The following R3HCC1 variants were observed in gnomAD, a reference collection of about 807,000 sequenced individuals.
R3HCC1 encodes the protein R3H and coiled-coil domain-containing protein 1.
A neutral mutation model predicts 40.0 loss-of-function variants in R3HCC1; 32 were observed. The observed-to-expected ratio is 0.80, with a 90% CI of 0.60 to 1.07. R3HCC1 has a LOEUF of 1.07. Ranked by LOEUF, R3HCC1 falls within the 50% of genes least tolerant of loss-of-function variation. R3HCC1 has a pLI of 0.00. For synonymous variants in R3HCC1, 237 were observed against 232.8 expected (o/e 1.02, Z -0.17); for missense variants, 586 against 563.3 (o/e 1.04, Z -0.41).
intron 3 of R3HCC1, among the ~76,000 whole-genome samples, chr8:23,289,357 A>C (rs1003785002): frequency 2.6e-5 from 4 of 152,202 alleles, no homozygotes; most frequent in Non-Finnish European, 5.9e-5. Context: ...CACTTGGCAA[A>C]ATCAGCTATA....
At position 23,289,975 on chromosome 8, in the gene R3HCC1, C is replaced by T. The variant is rs1331205812; in HGVS notation, c.358C>T (p.Arg120Ter). The stretch of plus-strand genomic sequence containing the variant: ...CAACCAAGGAGCAGCTGCGGTTCCC[C>T]GAGGTGCCCGGGCTGGCCGGTGGTA... Residue 120 changes from arginine (R) to a stop codon, truncating the protein, a stop_gained, in exon 4 of 8, where the codon CGA becomes TGA. Transcript: ENST00000265806. LOFTEE classifies it high-confidence loss of function. 7.2e-6 allele frequency: 11 copies of T among 1,536,364 alleles called. No individual in the cohort carries two copies. Among genetic ancestry groups the T allele is most frequent in the Admixed American group, 3.9e-5 (2 of 50,990 alleles).
In R3HCC1 at chr8:23,293,348, C is replaced by T. The variant is rs1307882091; in HGVS notation, c.1071C>T (p.Leu357=). 3.2e-5 allele frequency: 49 copies of T among 1,551,232 alleles called. No homozygotes were observed. The highest frequency in any genetic ancestry group is 2.4e-4 in the East Asian group (10 of 40,906). ...AGTGGGTGGATGATACTCACGCACT[C>T]GGCATCTTTCCCTGCCTGGCCTCAG... Residue 357 remains leucine, a synonymous_variant, in exon 6 of 8, where the codon CTC becomes CTT. Transcript: ENST00000265806.
At chr8:23,292,780 G>C (rs890908546) in intron 5 of R3HCC1, among the ~76,000 whole-genome samples, 1 of 152,224 alleles carries the variant, frequency 6.6e-6, no homozygotes, top group Non-Finnish European at 1.5e-5. Context: ...GGTGCAGCCA[G>C]GCTGGGGCCG....
intron 2 of R3HCC1, 21 bp from the exon 3 acceptor site, chr8:23,288,995 C>T: frequency 1.3e-6 from 2 of 1,536,166 alleles, no homozygotes; most frequent in Non-Finnish European, 1.7e-6. Context: ...CTGCTCAGCA[C>T]TTCTTCCCCT....
At chr8:23,290,748 C>G (rs1197419280) in intron 4 of R3HCC1, among the ~76,000 whole-genome samples, 42 of 152,176 alleles carry the variant, frequency 2.8e-4, no homozygotes, top group Non-Finnish European at 5.9e-5. Flanking sequence ...GATAATACAG[C>G]CTTCACTAGG....
chr8:23,295,006 TAGGG>T, intron 7 of R3HCC1, 142 bp downstream of exon 7: 1 of 695,688 alleles, frequency 1.4e-6, no homozygotes, highest in Non-Finnish European at 2.5e-6. Context: ...TCTCTGCTCT[TAGGG>T]AGCCCTGGGC....
At position 23,291,352 on chromosome 8, in the gene R3HCC1, C is replaced by T; in HGVS notation, c.853-9C>T. 1 of 1,548,388 alleles carries T rather than the reference C, an allele frequency of 6.5e-7. No individual in the cohort carries two copies. The highest frequency in any genetic ancestry group is 8.7e-7 in the Non-Finnish European group (1 of 1,144,124). ...AAGCTCCCCTTGCTAAGGGTCCGAT[C>T]TCTCCTAGATCACAGACAACCTGAC... On this transcript the variant is annotated splice_polypyrimidine_tract_variant and intron_variant, in intron 4 of 7. Coordinates refer to ENST00000265806, the MANE Select transcript of R3HCC1 (RefSeq NM_001136108.3).
chr8:23,295,996 C>T lies in R3HCC1; in HGVS notation c.1222C>T (p.Gln408Ter), dbSNP rs1289655107. The change falls in exon 8 of 8, where the codon CAG becomes TAG. Residue 408 changes from glutamine to a stop codon, truncating the protein, a stop_gained. Coordinates refer to ENST00000265806, the MANE Select transcript of R3HCC1 (RefSeq NM_001136108.3). LOFTEE classifies it high-confidence loss of function. ...CCTGCGTCTGGTGAAGGAGAGGCCA[C>T]AGACAAATGCGACTGTGGCCCGGCG... 1.3e-6 allele frequency: 2 copies of T among 1,550,866 alleles called. No individual in the cohort carries two copies. Among genetic ancestry groups the T allele is most frequent in the East Asian group, 2.4e-5 (1 of 40,910 alleles).
intron 7 of R3HCC1, 70 bp downstream of exon 7, chr8:23,294,934 T>A: frequency 9.1e-7 from 1 of 1,101,740 alleles, no homozygotes; most frequent in Admixed American, 2.0e-5. Flanking sequence ...TGTGTGTGTG[T>A]GCGTGTGTGT....
At position 23,288,605 on chromosome 8, in the gene R3HCC1, C is replaced by T. The variant is rs551515984; in HGVS notation, c.82C>T (p.Arg28Cys). 1.3e-6 allele frequency: 2 copies of T among 1,535,998 alleles called. No homozygotes were observed. Among genetic ancestry groups the T allele is most frequent in the South Asian group, 1.2e-5 (1 of 84,056 alleles). ...CCACCGGATCCAGGAGGAACTGGAC[C>T]GCTTTCTGCTGCAGAAGCAGCTGTC... The change falls in exon 2 of 8, where the codon CGC becomes TGC. Residue 28 changes from arginine (R) to cysteine (C), a missense_variant. By Grantham distance (180) the Arg-to-Cys change is radical. Transcript: ENST00000265806.
At position 23,290,220 on chromosome 8, in the gene R3HCC1, G is replaced by A; in HGVS notation, c.603G>A (p.Arg201=). Reference sequence around the variant, plus strand: ...AGGACCTAAAGGGCCCAGGACAAAGGTGTGAGAATGAGCCACTGCTGGACC... The same window carrying A: ...AGGACCTAAAGGGCCCAGGACAAAGATGTGAGAATGAGCCACTGCTGGACC... Residue 201 remains arginine, a synonymous_variant, in exon 4 of 8, where the codon AGG becomes AGA. Transcript: ENST00000265806. 7.1e-6 allele frequency: 11 copies of A among 1,551,760 alleles called. No homozygotes were observed. The highest frequency in any genetic ancestry group is 9.6e-6 in the Non-Finnish European group (11 of 1,147,002).
At chr8:23,294,312 G>A (rs1802941065) in intron 6 of R3HCC1, among the ~76,000 whole-genome samples, 1 of 152,180 alleles carries the variant, frequency 6.6e-6, no homozygotes, top group Non-Finnish European at 1.5e-5. Flanking sequence ...TAGAACAGTG[G>A]GCAGCTTGGA....
chr8:23,288,878 C>G, intron 2 of R3HCC1, 138 bp from the exon 3 acceptor site: 1 of 1,073,322 alleles, frequency 9.3e-7, no homozygotes, highest in Non-Finnish European at 1.3e-6. Flanking sequence ...TCTATCTATG[C>G]TCAGATCCTT....
At position 23,296,128 on chromosome 8, in the gene R3HCC1, G is replaced by A. The variant is rs1023946138; in HGVS notation, c.*31G>A. 1.8e-5 allele frequency: 28 copies of A among 1,536,702 alleles called. No homozygotes were observed. The highest frequency in any genetic ancestry group is 1.5e-4 in the East Asian group (6 of 40,716). ...GGAGACCCAACTGGCCTGGATCTGCGTCCCGACGTAGCTGGCGCCCCCAAC... is the reference window on the plus strand; with the variant it reads ...GGAGACCCAACTGGCCTGGATCTGCATCCCGACGTAGCTGGCGCCCCCAAC... On this transcript the variant is annotated 3_prime_UTR_variant, in exon 8 of 8. Coordinates refer to ENST00000265806, the MANE Select transcript of R3HCC1 (RefSeq NM_001136108.3).
chr8:23,289,342 GA>G (rs1802809554), intron 3 of R3HCC1, among the ~76,000 whole-genome samples, 189 bp downstream of exon 3: 1 of 152,216 alleles, frequency 6.6e-6, no homozygotes, highest in Non-Finnish European at 1.5e-5. Context: ...GCAGTTTGTG[GA>G]ATTCACTTGG....
Position 23,295,753 on chromosome 8 carries a change from C to T in R3HCC1, c.1193-214C>T, listed in dbSNP as rs185519910. 547 of 630,676 alleles carry T rather than the reference C, an allele frequency of 8.7e-4. 4 individuals carry two copies. The highest frequency in any genetic ancestry group is 6.8e-3 in the African/African-American group (370 of 54,396). 39.1% of individuals were successfully genotyped at this position (630,676 alleles called of 1,614,324 possible). ...ACAGAGAAACAAGGGCATGTAGAGG[C>T]GACAAGTTTGGGTCAGCATCCCCTG... On this transcript the variant is annotated intron_variant, in intron 7 of 7. Coordinates refer to ENST00000265806, the MANE Select transcript of R3HCC1 (RefSeq NM_001136108.3).
At position 23,290,081 on chromosome 8, in the gene R3HCC1, C is replaced by T. The variant is rs748676211; in HGVS notation, c.464C>T (p.Ser155Leu). 1.4e-4 allele frequency: 218 copies of T among 1,549,780 alleles called. No homozygotes were observed. The highest frequency in any genetic ancestry group is 1.7e-4 in the Non-Finnish European group (195 of 1,146,990). Reference sequence around the variant, plus strand: ...GAAGAATGGGGGCTGACCTCTACCTCGGTGCTCAAGAGAGAGGCCCCAGCT... The same window carrying T: ...GAAGAATGGGGGCTGACCTCTACCTTGGTGCTCAAGAGAGAGGCCCCAGCT... Residue 155 changes from serine (S) to leucine (L), a missense_variant, in exon 4 of 8, where the codon TCG becomes TTG. Ser to Leu is a moderately radical substitution (Grantham distance 145, BLOSUM62 -2). Coordinates refer to ENST00000265806, the MANE Select transcript of R3HCC1 (RefSeq NM_001136108.3).
rs549974723 is a variant in R3HCC1 at position 23,288,174 on chromosome 8, T to TG, written c.-19+24dup. ...GAGGCCGCGGTGAGTGCAGCAGCACTGGGGGGGTGGTCGTCCCGACCCCCG... is the reference window on the plus strand; with the variant it reads ...GAGGCCGCGGTGAGTGCAGCAGCACTGGGGGGGGTGGTCGTCCCGACCCCCG... On this transcript the variant is annotated intron_variant, in intron 1 of 7. Coordinates refer to ENST00000265806, the MANE Select transcript of R3HCC1 (RefSeq NM_001136108.3). The TG allele has an allele frequency of 3.3e-4, 397 of 1,211,226 alleles. No individual in the cohort carries two copies. The highest frequency in any genetic ancestry group is 2.6e-3 in the African/African-American group (161 of 62,570). 75.0% of individuals were successfully genotyped at this position (1,211,226 alleles called of 1,614,324 possible). A position where few individuals can be genotyped will look rare whatever the true frequency, so the allele number is the denominator to read the frequency against.
chr8:23,295,861 G>A, intron 7 of R3HCC1, 106 bp from the exon 8 acceptor site: 1 of 1,415,256 alleles, frequency 7.1e-7, no homozygotes, highest in Non-Finnish European at 9.4e-7. Context: ...CCCCACATGT[G>A]TCACATGAGA....
Sources: gnomAD v4.1 joint callset for allele counts (sites outside exome capture counted in the v4.1 genomes callset) on GRCh38, gnomAD v4.1.1 for gene constraint, MANE v1.5 for transcripts, NCBI Gene and HGNC (gene_info 2026-07-23, HGNC 2026-07-21) for gene names.